Variants in STAG2 observed in about 807,000 individuals in gnomAD.
STAG2 encodes the protein STAG2 cohesin complex component, also known as cohesin subunit SA-2.
In STAG2, 14 loss-of-function variants were observed where a neutral mutation model predicts 108.1. The observed-to-expected ratio is 0.13, with a 90% CI of 0.09 to 0.20. The LOEUF (loss-of-function observed/expected upper bound fraction) is 0.20, where lower values mean the gene tolerates loss of function less well. Among genes scored for constraint, STAG2 ranks in the 10% least tolerant of loss-of-function variants. The pLI, the probability that STAG2 is intolerant of heterozygous loss-of-function variation, is 1.00. For missense variants in STAG2, 440 were observed against 940.9 expected (o/e 0.47, Z 6.96); for synonymous variants, 307 against 302.7 (o/e 1.01, Z -0.15).
intron 1 of STAG2, among the ~76,000 whole-genome samples, chrX:124,009,951 A>T (rs1309962649): frequency 9.0e-6 from 1 of 111,448 alleles, no homozygotes; most frequent in African/African-American, 3.3e-5. Context: ...CTGAGTGTAG[A>T]TATCAATGAT....
chrX:124,018,535 C>T (rs1281391432), intron 1 of STAG2, among the ~76,000 whole-genome samples: 5 of 110,805 alleles, frequency 4.5e-5, no homozygotes, highest in African/African-American at 1.6e-4. Flanking sequence ...GAGTCTTACC[C>T]CATTGCCCAG....
chrX:124,090,297 C>T (rs1041596126), intron 30 of STAG2, among the ~76,000 whole-genome samples: 2 of 108,364 alleles, frequency 1.8e-5, no homozygotes, highest in African/African-American at 3.4e-5. Context: ...GAAGTTGCTT[C>T]TGGATAGCTG....
At chrX:124,004,712 ATTAAAAATGTTAAGGTTCTTTGCTTT>A (rs915881205) in intron 1 of STAG2, among the ~76,000 whole-genome samples, 3 of 111,925 alleles carry the variant, frequency 2.7e-5, no homozygotes, top group African/African-American at 9.7e-5. Flanking sequence ...CGTGCATTCT[ATTAAAAATGTTAAGGTTCTTTGCTTT>A]TTACTTTTTT....
chrX:124,088,960 G>A (rs1370353978), intron 30 of STAG2, among the ~76,000 whole-genome samples: 36 of 88,609 alleles, frequency 4.1e-4, no homozygotes, highest in Non-Finnish European at 7.4e-4. Context: ...CTGTTGCTGA[G>A]GCTGGAGTGC....
chrX:124,058,819 T>C (rs909369353), intron 15 of STAG2, among the ~76,000 whole-genome samples: 2 of 112,176 alleles, frequency 1.8e-5, no homozygotes, highest in Admixed American at 1.9e-4. Context: ...GGTGTTCATA[T>C]TACATACTAT....
chrX:123,998,103 T>C lies in STAG2; in HGVS notation c.-162-23264T>C, dbSNP rs952128142. Among the ~76,000 whole-genome samples, 3 of 110,825 alleles carry C rather than the reference T, an allele frequency of 2.7e-5. No homozygotes were observed. The Admixed American group carries it at 2.9e-4, about 11-fold the overall frequency. ...CATAAATGTCTTTTTGAGTGCTTGC[T>C]TTGAATTCTTTGGGGTATATGCCCA... On this transcript the variant is annotated intron_variant, in intron 1 of 34. Transcript: ENST00000371145.
intron 1 of STAG2, among the ~76,000 whole-genome samples, chrX:123,981,909 A>T (rs2054896325): frequency 1.8e-5 from 2 of 111,590 alleles, no homozygotes; most frequent in African/African-American, 6.5e-5. Flanking sequence ...TAATTGTAAT[A>T]ATATATATAT....
At chrX:124,071,428 A>G (rs1022855368) in intron 25 of STAG2, 105 bp downstream of exon 25, 2 of 632,750 alleles carry the variant, frequency 3.2e-6, no homozygotes, top group Admixed American at 4.4e-5. Flanking sequence ...ATCCTTAAAA[A>G]CGTGAAACAC....
chrX:123,989,288 T>G (rs2055335031), intron 1 of STAG2, among the ~76,000 whole-genome samples: 1 of 111,743 alleles, frequency 8.9e-6, no homozygotes, highest in Non-Finnish European at 1.9e-5. Flanking sequence ...AGTGAAAGAT[T>G]TCATTTCTTC....
intron 1 of STAG2, among the ~76,000 whole-genome samples, chrX:123,988,923 GTC>G (rs1453492848): frequency 9.0e-6 from 1 of 111,172 alleles, no homozygotes; most frequent in Non-Finnish European, 1.9e-5. Flanking sequence ...CTCTCTGTGT[GTC>G]TCTGTCTATC....
chrX:124,061,482 T>A, intron 16 of STAG2, 141 bp downstream of exon 16: 1 of 467,250 alleles, frequency 2.1e-6, no homozygotes, highest in Non-Finnish European at 3.6e-6. Flanking sequence ...TTCATATAAA[T>A]ATTATGCTAT....
chrX:124,015,478 G>A (rs2056688117), intron 1 of STAG2, among the ~76,000 whole-genome samples: 1 of 105,872 alleles, frequency 9.4e-6, no homozygotes, highest in South Asian at 4.3e-4. Context: ...TCTGTCCCCC[G>A]GGTTCAAGCG....
intron 5 of STAG2, among the ~76,000 whole-genome samples, chrX:124,035,593 G>A (rs2057492066): frequency 8.9e-6 from 1 of 112,064 alleles, no homozygotes; most frequent in Non-Finnish European, 1.9e-5. Context: ...GCTTTATGAT[G>A]TCAAGGGCCT....
At chrX:124,061,663 T>C (rs2058379517) in intron 16 of STAG2, 108 bp from the exon 17 acceptor site, 1 of 593,209 alleles carries the variant, frequency 1.7e-6, no homozygotes, top group Non-Finnish European at 2.5e-6. Flanking sequence ...TAGGGCAGAT[T>C]CTGTTTACAG....
intron 1 of STAG2, among the ~76,000 whole-genome samples, chrX:123,992,229 G>T (rs1347717486): frequency 9.0e-6 from 1 of 111,252 alleles, no homozygotes; most frequent in African/African-American, 3.3e-5. Context: ...GCACTCCAAA[G>T]TAAGTTGCAG....
chrX:123,998,949 GA>G (rs1225152826), intron 1 of STAG2, among the ~76,000 whole-genome samples: 154 of 104,805 alleles, frequency 1.5e-3, no homozygotes, highest in Non-Finnish European at 2.3e-3. Context: ...TACAGAAAAT[GA>G]AAAAAAAAAA....
intron 1 of STAG2, among the ~76,000 whole-genome samples, chrX:124,019,052 CTTTTTTTTTTT>C (rs751161706): frequency 3.1e-4 from 25 of 79,902 alleles, no homozygotes; most frequent in African/African-American, 1.2e-3. Context: ...ATTTAGCACT[CTTTTTTTTTTT>C]TTTTTTTTTT....
intron 18 of STAG2, 41 bp downstream of exon 18, chrX:124,063,035 T>G (rs2058426673): frequency 1.7e-6 from 2 of 1,174,883 alleles, no homozygotes; most frequent in East Asian, 3.0e-5. Context: ...AAGAAATGAG[T>G]TTTTTTTCCC....
At chrX:124,095,507 C>T (rs1464021173) in intron 34 of STAG2, 58 bp downstream of exon 34, 12 of 965,221 alleles carry the variant, frequency 1.2e-5, no homozygotes, top group Non-Finnish European at 1.8e-5. Flanking sequence ...GGCAGTCTCT[C>T]AGTTTGAGGT....
Sources: gnomAD v4.1 joint callset for allele counts (sites outside exome capture counted in the v4.1 genomes callset) on GRCh38, gnomAD v4.1.1 for gene constraint, MANE v1.5 for transcripts, NCBI Gene and HGNC (gene_info 2026-07-23, HGNC 2026-07-21) for gene names.